Variants in MRPS27 observed in about 807,000 individuals in gnomAD.
MRPS27 encodes the protein mitochondrial ribosomal protein S27, also known as small ribosomal subunit protein mS27.
Under a neutral mutation model 48.9 loss-of-function variants are expected in MRPS27, and 43 were observed. The ratio of observed to expected loss-of-function variants is 0.88; its 90% CI spans 0.69 to 1.13. The LOEUF (loss-of-function observed/expected upper bound fraction) is 1.13. Among genes scored for constraint, MRPS27 ranks in the 50% most tolerant of loss-of-function variants. MRPS27 has a pLI of 0.00. For missense variants in MRPS27, 467 were observed against 476.3 expected, an observed-to-expected ratio of 0.98 and a Z score of 0.18; for synonymous variants, 188 against 171.9, an observed-to-expected ratio of 1.09 and a Z score of -0.73.
intron 4 of MRPS27, among the ~76,000 whole-genome samples, chr5:72,259,804 G>A (rs1748918179): frequency 6.6e-6 from 1 of 152,058 alleles, no homozygotes; most frequent in Non-Finnish European, 1.5e-5. Context: ...TTAAAAATGT[G>A]CCAATTTAAG....
chr5:72,289,764 G>T (rs1749771453), intron 4 of MRPS27, among the ~76,000 whole-genome samples: 1 of 152,112 alleles, frequency 6.6e-6, no homozygotes, highest in African/African-American at 2.4e-5. Flanking sequence ...ATATATGTTA[G>T]AAATTTCTAT....
intron 4 of MRPS27, among the ~76,000 whole-genome samples, chr5:72,249,388 A>T: frequency 6.6e-6 from 1 of 152,222 alleles, no homozygotes; most frequent in Non-Finnish European, 1.5e-5. Flanking sequence ...GGATGATCAA[A>T]AACAAGTATT....
Position 72,236,923 on chromosome 5 carries a change from C to CTT in MRPS27, c.396+1089_396+1090dup, listed in dbSNP as rs111411729. On this transcript the variant is annotated intron_variant, in intron 5 of 10. Transcript: ENST00000261413. ...TTTACTGTTTTTCTTTTCTTTTTTC[C>CTT]TTTTTTTTTTTTTTGAGACCAGGTC... 3.6e-3 allele frequency among the ~76,000 whole-genome samples: 508 copies of CTT among 139,750 alleles called. 3 individuals are homozygous for CTT. Among genetic ancestry groups the CTT allele is most frequent in the African/African-American group, 0.013 (487 of 38,208 alleles). The allele number at this position is 139,750 out of a possible 152,430, so 91.7% of individuals were successfully genotyped here. A position where few individuals can be genotyped will look rare whatever the true frequency, so the allele number is the denominator to read the frequency against.
intron 3 of MRPS27, among the ~76,000 whole-genome samples, chr5:72,295,968 G>C (rs911184461): frequency 7.2e-5 from 11 of 152,130 alleles, no homozygotes; most frequent in Admixed American, 5.9e-4. Flanking sequence ...GGAACATATG[G>C]CTGAAAAAAT....
intron 4 of MRPS27, among the ~76,000 whole-genome samples, chr5:72,249,816 C>T (rs1011526750): frequency 1.3e-5 from 2 of 152,134 alleles, no homozygotes; most frequent in African/African-American, 4.8e-5. Flanking sequence ...CCCGTCTCTA[C>T]TAAAACAATA....
At chr5:72,234,019 A>G (rs1317668576) in intron 6 of MRPS27, 100 bp downstream of exon 6, 1 of 1,248,212 alleles carries the variant, frequency 8.0e-7, no homozygotes, top group African/African-American at 1.6e-5. Context: ...TAATGAAGAG[A>G]TGTTATTAAG....
chr5:72,319,545 T>TCC (rs1478982242), intron 1 of MRPS27, among the ~76,000 whole-genome samples: 1 of 140,840 alleles, frequency 7.1e-6, no homozygotes, highest in African/African-American at 2.6e-5. Flanking sequence ...TCCTTTTTTT[T>TCC]TTTTTTTTTT....
Position 72,223,839 on chromosome 5 carries a change from C to T in MRPS27, c.849G>A (p.Leu283=). ...IKLCREALDV[L]GAVLKALTSA... Reference sequence around the variant, plus strand: ...AAGTCAGAGCCTTCAGCACTGCACCCAGCACATCGAGCTGTGGAGCAGAAA... The same window carrying T: ...AAGTCAGAGCCTTCAGCACTGCACCTAGCACATCGAGCTGTGGAGCAGAAA... Residue 283 remains leucine, a synonymous_variant, in exon 10 of 11, where the codon CTG becomes CTA. Transcript: ENST00000261413. The T allele has an allele frequency of 4.3e-6, 7 of 1,613,704 alleles. No homozygotes were observed. The highest frequency in any genetic ancestry group is 5.9e-6 in the Non-Finnish European group (7 of 1,179,766).
intron 4 of MRPS27, among the ~76,000 whole-genome samples, chr5:72,291,496 G>T (rs186230034): frequency 6.6e-6 from 1 of 152,082 alleles, no homozygotes; most frequent in Non-Finnish European, 1.5e-5. Flanking sequence ...ACTAGCTAGC[G>T]GTAGGTTTAA....
chr5:72,250,586 C>T (rs888199003), intron 4 of MRPS27, among the ~76,000 whole-genome samples: 1 of 152,126 alleles, frequency 6.6e-6, no homozygotes, highest in Non-Finnish European at 1.5e-5. Flanking sequence ...AACCCAGCCC[C>T]GACTCACTAA....
chr5:72,279,189 G>A (rs1749467410), intron 4 of MRPS27, among the ~76,000 whole-genome samples: 1 of 152,142 alleles, frequency 6.6e-6, no homozygotes, highest in African/African-American at 2.4e-5. Context: ...ATGTGAAAAT[G>A]TATCATTTTA....
chr5:72,253,720 A>T (rs1183655327), intron 4 of MRPS27, among the ~76,000 whole-genome samples: 2 of 152,168 alleles, frequency 1.3e-5, no homozygotes, highest in Non-Finnish European at 2.9e-5. Context: ...TTAAACCACA[A>T]AATGCATATA....
chr5:72,278,644 T>A (rs951552073), intron 4 of MRPS27, among the ~76,000 whole-genome samples: 1 of 152,178 alleles, frequency 6.6e-6, no homozygotes, highest in Non-Finnish European at 1.5e-5. Context: ...TACCCTTCAC[T>A]TTATAACATG....
chr5:72,245,918 C>T (rs911045746), intron 4 of MRPS27, among the ~76,000 whole-genome samples: 4 of 152,134 alleles, frequency 2.6e-5, no homozygotes, highest in African/African-American at 4.8e-5. Context: ...TTCTCTAACA[C>T]ATGAAAAAGT....
intron 4 of MRPS27, chr5:72,241,710 G>T (rs956226171): frequency 6.5e-7 from 1 of 1,534,820 alleles, no homozygotes; most frequent in Non-Finnish European, 8.7e-7. Flanking sequence ...AAGGCAAAGA[G>T]AAAAGAATAC....
chr5:72,250,809 A>C (rs1748645265), intron 4 of MRPS27, among the ~76,000 whole-genome samples: 3 of 152,222 alleles, frequency 2.0e-5, no homozygotes, highest in African/African-American at 7.2e-5. Flanking sequence ...TCTGTCACCC[A>C]GGCTGGAGTG....
In MRPS27 at chr5:72,228,339, G is replaced by A; in HGVS notation, c.621C>T (p.Ser207=). 6.2e-7 allele frequency: 1 copy of A among 1,613,178 alleles called. No homozygotes were observed. Among genetic ancestry groups the A allele is most frequent in the Non-Finnish European group, 8.5e-7 (1 of 1,179,500 alleles). ...TTTGTTTTAGGCCTGGAAGCAAAAGGGATGCACCAAAGTTCCTCTCCTCTT... is the reference window on the plus strand; with the variant it reads ...TTTGTTTTAGGCCTGGAAGCAAAAGAGATGCACCAAAGTTCCTCTCCTCTT... ...SWEEERNFGA[S]LLLPGLKQKN... is the part of the protein sequence containing the mutation. The change falls in exon 8 of 11, where the codon TCC becomes TCT. Residue 207 remains serine, a synonymous_variant. Transcript: ENST00000261413.
chr5:72,298,750 T>C (rs1750052855), intron 2 of MRPS27, among the ~76,000 whole-genome samples: 1 of 149,642 alleles, frequency 6.7e-6, no homozygotes, highest in African/African-American at 2.5e-5. Flanking sequence ...AGAGCTACCA[T>C]TTGATTCAGC....
At chr5:72,269,629 T>C (rs756519667) in intron 4 of MRPS27, among the ~76,000 whole-genome samples, 6 of 152,192 alleles carry the variant, frequency 3.9e-5, no homozygotes, top group Non-Finnish European at 7.3e-5. Context: ...AGATAGCATA[T>C]TATATCATCA....
Sources: gnomAD v4.1 joint callset for allele counts (sites outside exome capture counted in the v4.1 genomes callset) on GRCh38, gnomAD v4.1.1 for gene constraint, MANE v1.5 for transcripts, NCBI Gene and HGNC (gene_info 2026-07-23, HGNC 2026-07-21) for gene names.